Variants in ANO3 observed in about 807,000 individuals in gnomAD.
The protein encoded by ANO3 is anoctamin-3.
A neutral mutation model predicts 144.8 loss-of-function variants in ANO3; 99 were observed. The observed-to-expected ratio is 0.68, with a 90% CI of 0.58 to 0.81. The LOEUF is 0.81. Ranked by LOEUF, ANO3 falls within the 30% of genes least tolerant of loss-of-function variation. The pLI is 0.00. For missense variants in ANO3, 905 were observed against 1,202.2 expected, an observed-to-expected ratio of 0.75 and a Z score of 3.66; for synonymous variants, 414 against 392.6, an observed-to-expected ratio of 1.05 and a Z score of -0.64.
At chr11:26,291,331 C>T (rs1021999513) in intron 1 of ANO3, among the ~76,000 whole-genome samples, 16 of 152,136 alleles carry the variant, frequency 1.1e-4, no homozygotes, top group Admixed American at 8.5e-4. Flanking sequence ...CTCCTGAATA[C>T]AGCACACTGA....
intron 13 of ANO3, among the ~76,000 whole-genome samples, chr11:26,554,753 G>A (rs962394893): frequency 2.0e-5 from 3 of 152,050 alleles, no homozygotes; most frequent in Non-Finnish European, 4.4e-5. Flanking sequence ...TACTCACTGA[G>A]TACTGCCTAG....
At chr11:26,399,818 G>A (rs1857103069) in intron 1 of ANO3, among the ~76,000 whole-genome samples, 1 of 151,940 alleles carries the variant, frequency 6.6e-6, no homozygotes, top group African/African-American at 2.4e-5. Context: ...TAGAAAGTAA[G>A]TCTTTCTCCC....
At chr11:26,586,176 T>C (rs1395915628) in intron 14 of ANO3, among the ~76,000 whole-genome samples, 3 of 152,134 alleles carry the variant, frequency 2.0e-5, no homozygotes, top group Admixed American at 6.6e-5. Context: ...TGATGGGGTA[T>C]TGTTCCTGGA....
chr11:26,394,570 C>CTTTTTTTTTTTTTTTTTTTTTTTT (rs56118844), intron 1 of ANO3, among the ~76,000 whole-genome samples: 3 of 115,748 alleles, frequency 2.6e-5, no homozygotes, highest in Non-Finnish European at 5.3e-5. Flanking sequence ...ATTTCATTTT[C>CTTTTTTTTTTTTTTTTTTTTTTTT]TTTTTTTTTT....
At chr11:26,592,540 G>A (rs1851483923) in intron 14 of ANO3, among the ~76,000 whole-genome samples, 1 of 150,634 alleles carries the variant, frequency 6.6e-6, no homozygotes. Flanking sequence ...TATCTACCCA[G>A]ACTAGTAGAT....
chr11:26,454,946 C>T (rs1266524464), intron 3 of ANO3, among the ~76,000 whole-genome samples: 621 of 133,254 alleles, frequency 4.7e-3, no homozygotes, highest in Middle Eastern at 7.7e-3. Context: ...TGTAATCCAG[C>T]ATATAAACAG....
intron 7 of ANO3, among the ~76,000 whole-genome samples, chr11:26,528,259 C>A (rs1014750601): frequency 1.3e-5 from 2 of 152,078 alleles, no homozygotes; most frequent in African/African-American, 2.4e-5. Flanking sequence ...CAAAATATTT[C>A]TTTTCAATTA....
At chr11:26,245,628 C>A (rs746305832) in intron 1 of ANO3, among the ~76,000 whole-genome samples, 1 of 152,074 alleles carries the variant, frequency 6.6e-6, no homozygotes, top group African/African-American at 2.4e-5. Context: ...CAAAGGAAAA[C>A]GTTTCCTTTT....
intron 4 of ANO3, among the ~76,000 whole-genome samples, chr11:26,477,778 T>C (rs1047778956): frequency 6.6e-6 from 1 of 152,120 alleles, no homozygotes; most frequent in Non-Finnish European, 1.5e-5. Context: ...CCTTCAAGAG[T>C]AAAAGCACAA....
chr11:26,597,430 T>A (rs1851666871), intron 14 of ANO3, among the ~76,000 whole-genome samples: 1 of 152,154 alleles, frequency 6.6e-6, no homozygotes, highest in Non-Finnish European at 1.5e-5. Context: ...ACGGCAAGCC[T>A]CTAGCTGGAT....
At chr11:26,266,936 A>C (rs1286678115) in intron 1 of ANO3, among the ~76,000 whole-genome samples, 1 of 151,042 alleles carries the variant, frequency 6.6e-6, no homozygotes, top group Non-Finnish European at 1.5e-5. Context: ...AAAAAGAAAA[A>C]AAAAAATTAG....
chr11:26,503,793 C>T (rs1861295062), intron 4 of ANO3, among the ~76,000 whole-genome samples: 1 of 152,110 alleles, frequency 6.6e-6, no homozygotes, highest in Non-Finnish European at 1.5e-5. Context: ...ATTTACTTAG[C>T]TTAGAATCAG....
At chr11:26,196,349 C>T (rs1590187557) in intron 1 of ANO3, among the ~76,000 whole-genome samples, 2 of 152,018 alleles carry the variant, frequency 1.3e-5, no homozygotes, top group African/African-American at 4.8e-5. Context: ...CTTCAGAATT[C>T]TTATCTGATT....
chr11:26,342,580 G>A (rs190144540), intron 1 of ANO3, among the ~76,000 whole-genome samples: 9 of 152,266 alleles, frequency 5.9e-5, no homozygotes, highest in Non-Finnish European at 1.0e-4. Flanking sequence ...TCAGCCTTCA[G>A]AATCTTGAGA....
intron 1 of ANO3, among the ~76,000 whole-genome samples, chr11:26,236,817 C>G (rs984638409): frequency 1.2e-5 from 1 of 86,756 alleles, no homozygotes; most frequent in Non-Finnish European, 2.2e-5. Context: ...GACTCCGTCT[C>G]AAAAAAAAAA....
chr11:26,377,632 G>T (rs1216320358), intron 1 of ANO3, among the ~76,000 whole-genome samples: 1 of 152,116 alleles, frequency 6.6e-6, no homozygotes, highest in Non-Finnish European at 1.5e-5. Flanking sequence ...AATGGTGGAA[G>T]CTTACTGAAC....
chr11:26,258,260 T>C (rs1423905780), intron 1 of ANO3, among the ~76,000 whole-genome samples: 1 of 152,134 alleles, frequency 6.6e-6, no homozygotes, highest in African/African-American at 2.4e-5. Context: ...TCTGGACAAT[T>C]AAATTTCAAA....
chr11:26,401,830 T>C (rs946460225), intron 1 of ANO3, among the ~76,000 whole-genome samples: 4 of 151,996 alleles, frequency 2.6e-5, no homozygotes, highest in Admixed American at 6.6e-5. Context: ...TGAGCCAAAA[T>C]TGTGCCATAG....
At chr11:26,348,287 T>C (rs1026269290) in intron 1 of ANO3, among the ~76,000 whole-genome samples, 7 of 152,184 alleles carry the variant, frequency 4.6e-5, no homozygotes, top group African/African-American at 1.7e-4. Context: ...ATACTTTTTG[T>C]CAAATAGAAA....
Sources: gnomAD v4.1 joint callset for allele counts (sites outside exome capture counted in the v4.1 genomes callset) on GRCh38, gnomAD v4.1.1 for gene constraint, MANE v1.5 for transcripts, NCBI Gene and HGNC (gene_info 2026-07-23, HGNC 2026-07-21) for gene names.